PARD3: variants seen among roughly 807,000 people sequenced by gnomAD.
PARD3 encodes partitioning defective 3 homolog.
PARD3 carries 75 observed loss-of-function variants against 155.4 expected under a neutral mutation model. That is an observed-to-expected ratio of 0.48 (90% CI 0.40 to 0.58). PARD3 has a LOEUF of 0.58. Ranked by LOEUF, PARD3 falls within the 20% of genes least tolerant of loss-of-function variation. The pLI is 0.00. For missense variants in PARD3, 1,642 were observed against 1,721.7 expected, an observed-to-expected ratio of 0.95 and a Z score of 0.82; for synonymous variants, 576 against 610.5, an observed-to-expected ratio of 0.94 and a Z score of 0.83.
chr10:34,165,617 T>C (rs2133078977), intron 22 of PARD3, among the ~76,000 whole-genome samples: 1 of 152,338 alleles, frequency 6.6e-6, no homozygotes, highest in Admixed American at 6.5e-5. Flanking sequence ...AAGCTCCCAC[T>C]GCATTCTCAA....
intron 2 of PARD3, among the ~76,000 whole-genome samples, chr10:34,666,816 T>TATATATAC (rs765552982): frequency 0.026 from 2,261 of 88,466 alleles, 41 homozygotes; most frequent in East Asian, 0.045. Flanking sequence ...TATATATATA[T>TATATATAC]ACACACACAC....
intron 3 of PARD3, among the ~76,000 whole-genome samples, chr10:34,514,479 A>G (rs1490861556): frequency 6.6e-6 from 1 of 152,140 alleles, no homozygotes. Flanking sequence ...CGGTGGCAAA[A>G]ATCACCTTGA....
chr10:34,343,279 AATC>A (rs1403424521), intron 15 of PARD3: 1 of 862,320 alleles, frequency 1.2e-6, no homozygotes, highest in African/African-American at 1.8e-5. Flanking sequence ...ATTACAGTAT[AATC>A]ATAGTGCATT....
chr10:34,419,470 T>TTGTGCCACTGCACTCCAGCC (rs1329280760), intron 5 of PARD3, among the ~76,000 whole-genome samples: 1 of 152,046 alleles, frequency 6.6e-6, no homozygotes, highest in Non-Finnish European at 1.5e-5. Context: ...TGAGCAGAGA[T>TTGTGCCACTGCACTCCAGCC]TGTGCCACTG....
chr10:34,684,778 T>TACACATACACAC (rs1339416591), intron 2 of PARD3, among the ~76,000 whole-genome samples: 1 of 119,034 alleles, frequency 8.4e-6, no homozygotes, highest in African/African-American at 3.1e-5. Flanking sequence ...TGATGATACA[T>TACACATACACAC]ACACACACAC....
chr10:34,764,854 T>C (rs889847723), intron 1 of PARD3, among the ~76,000 whole-genome samples: 39 of 152,166 alleles, frequency 2.6e-4, no homozygotes, highest in African/African-American at 7.5e-4. Flanking sequence ...TGTTTCTCAT[T>C]AGCCCAGCAC....
At chr10:34,509,659 A>G (rs1469068225) in intron 3 of PARD3, among the ~76,000 whole-genome samples, 1 of 152,224 alleles carries the variant, frequency 6.6e-6, no homozygotes, top group African/African-American at 2.4e-5. Flanking sequence ...TTTATGACTG[A>G]TATTACTATG....
At chr10:34,740,109 C>G (rs1010447878) in intron 1 of PARD3, among the ~76,000 whole-genome samples, 2 of 152,190 alleles carry the variant, frequency 1.3e-5, no homozygotes, top group Non-Finnish European at 2.9e-5. Context: ...GAGAGCCTCC[C>G]GTCCCCACCC....
chr10:34,211,230 G>A (rs138869927), intron 22 of PARD3, among the ~76,000 whole-genome samples: 83 of 152,286 alleles, frequency 5.5e-4, no homozygotes, highest in African/African-American at 1.8e-3. Context: ...TGTGTCTAGG[G>A]TCGTAAAGAT....
chr10:34,390,263 G>A lies in PARD3; in HGVS notation c.891-6009C>T, dbSNP rs947344632. 3.9e-5 allele frequency among the ~76,000 whole-genome samples: 6 copies of A among 151,974 alleles called. 1 individual carries two copies. The South Asian group carries it at 1.0e-3, about 26-fold the overall frequency. ...TGTGTATTGGGATTCTCAATTTTAC[G>A]ACATAATAGTAAATTTTCTCCCAGA... On this transcript the variant is annotated intron_variant, in intron 7 of 24. Coordinates refer to ENST00000374788, the MANE Select transcript of PARD3 (RefSeq NM_001184785.2).
intron 2 of PARD3, among the ~76,000 whole-genome samples, chr10:34,612,281 TAATA>T (rs2090968708): frequency 6.6e-6 from 1 of 152,128 alleles, no homozygotes; most frequent in Non-Finnish European, 1.5e-5. Context: ...TGAAAAATAA[TAATA>T]ATTAAAAACA....
intron 22 of PARD3, among the ~76,000 whole-genome samples, chr10:34,168,390 A>G (rs641003): frequency 0.24 from 36,146 of 152,062 alleles, 4,460 homozygotes; most frequent in Middle Eastern, 0.37. Context: ...AGTGACTTTG[A>G]TTATTTTATT....
At chr10:34,714,982 C>G (rs937490393) in intron 1 of PARD3, among the ~76,000 whole-genome samples, 1 of 151,970 alleles carries the variant, frequency 6.6e-6, no homozygotes, top group Non-Finnish European at 1.5e-5. Context: ...CCATGTTGGC[C>G]AGGATGCTTT....
intron 2 of PARD3, among the ~76,000 whole-genome samples, chr10:34,560,235 C>T (rs2085353110): frequency 6.6e-6 from 1 of 152,156 alleles, no homozygotes; most frequent in Admixed American, 6.5e-5. Context: ...CCTTCAGCTT[C>T]TAATGTTACT....
chr10:34,725,148 T>A (rs11594474), intron 1 of PARD3, among the ~76,000 whole-genome samples: 13,194 of 111,522 alleles, frequency 0.12, 776 homozygotes, highest in Middle Eastern at 0.19. Flanking sequence ...TGTGTGTGTG[T>A]GTGACAGAGA....
intron 22 of PARD3, among the ~76,000 whole-genome samples, chr10:34,131,797 C>T (rs577378805): frequency 6.7e-6 from 1 of 149,338 alleles, no homozygotes; most frequent in African/African-American, 2.5e-5. Context: ...AGAGGGTAAA[C>T]AATATTTTTA....
chr10:34,490,387 T>C (rs1396988199), intron 3 of PARD3, among the ~76,000 whole-genome samples: 15 of 151,316 alleles, frequency 9.9e-5, no homozygotes, highest in African/African-American at 3.7e-4. Context: ...GAAGGGCACA[T>C]TACAGAGAGA....
intron 1 of PARD3, among the ~76,000 whole-genome samples, chr10:34,739,005 G>A (rs2133868002): frequency 1.3e-5 from 2 of 152,284 alleles, no homozygotes; most frequent in East Asian, 3.9e-4. Flanking sequence ...TGGATGTAAA[G>A]TAACACTTCA....
In PARD3 at chr10:34,659,758, C is replaced by CTTCTCT. The variant is rs1253477488; in HGVS notation, c.222+36559_222+36560insAGAGAA. Among the ~76,000 whole-genome samples the CTTCTCT allele has an allele frequency of 1.6e-4, 24 of 152,200 alleles. 1 individual carries two copies. The highest frequency in any genetic ancestry group is 2.9e-4 in the Non-Finnish European group (20 of 68,034). On this transcript the variant is annotated intron_variant, in intron 2 of 24. Coordinates refer to ENST00000374788, the MANE Select transcript of PARD3 (RefSeq NM_001184785.2). ...TTAATTTCTAATTCATACCACCTGA[C>CTTCTCT]TCAGTAAAGCCTTACTTCTCTTCTT...
Sources: allele counts gnomAD v4.1 joint callset (sites outside exome capture counted in the v4.1 genomes callset), GRCh38; gene constraint gnomAD v4.1.1; transcripts MANE v1.5; gene names NCBI Gene and HGNC (gene_info 2026-07-23, HGNC 2026-07-21).